GLDN: variants seen among roughly 807,000 people sequenced by gnomAD.
GLDN encodes the protein collomin.
A neutral mutation model predicts 56.5 loss-of-function variants in GLDN; 47 were observed. The ratio of observed to expected loss-of-function variants is 0.83; its 90% CI spans 0.66 to 1.06. The LOEUF (loss-of-function observed/expected upper bound fraction) is 1.06, where lower values mean the gene tolerates loss of function less well. GLDN is among the 50% of genes least tolerant of loss of function. The pLI, the probability that GLDN is intolerant of heterozygous loss-of-function variation, is 0.00. For missense variants in GLDN, 782 were observed against 714.3 expected, an observed-to-expected ratio of 1.09 and a Z score of -1.08; for synonymous variants, 332 against 278.8, an observed-to-expected ratio of 1.19 and a Z score of -1.90.
At chr15:51,355,811 CCA>C (rs2037170215) in intron 1 of GLDN, among the ~76,000 whole-genome samples, 1 of 150,530 alleles carries the variant, frequency 6.6e-6, no homozygotes, top group Non-Finnish European at 1.5e-5. Flanking sequence ...GCGTGAGCCA[CCA>C]CACCCGGCCC....
the GLDN span, among the ~76,000 whole-genome samples, chr15:51,413,020 A>G: frequency 6.6e-6 from 1 of 152,142 alleles, no homozygotes; most frequent in Non-Finnish European, 1.5e-5. Flanking sequence ...ATGGATATGC[A>G]TTTATTGATA....
At chr15:51,351,201 G>C (rs1392553854) in intron 1 of GLDN, 1 of 263,164 alleles carries the variant, frequency 3.8e-6, no homozygotes, top group African/African-American at 2.3e-5. Flanking sequence ...TTTAGAGACA[G>C]GGTCTCACTA....
At chr15:51,409,071 A>C (rs1443229877), downstream of GLDN, among the ~76,000 whole-genome samples, 6 of 39,830 alleles carry the variant, frequency 1.5e-4, no homozygotes, top group East Asian at 5.5e-3. Context: ...GGCTGCTATA[A>C]AGACCCTGTT....
intron 2 of GLDN, among the ~76,000 whole-genome samples, chr15:51,382,003 C>T (rs1252447309): frequency 2.0e-5 from 3 of 152,186 alleles, no homozygotes; most frequent in Non-Finnish European, 4.4e-5. Context: ...CTGCCACCCA[C>T]CATACCCAGG....
At chr15:51,393,712 T>C (rs563132934) in intron 4 of GLDN, among the ~76,000 whole-genome samples, 2 of 152,346 alleles carry the variant, frequency 1.3e-5, no homozygotes, top group South Asian at 4.2e-4. Context: ...TTTGAGATCC[T>C]TCTCCCTGTG....
intron 1 of GLDN, among the ~76,000 whole-genome samples, chr15:51,363,030 C>T (rs1391529487): frequency 6.6e-6 from 1 of 152,112 alleles, no homozygotes; most frequent in Non-Finnish European, 1.5e-5. Flanking sequence ...TTGCCATTAA[C>T]TGAGATGGCA....
chr15:51,355,334 A>G (rs1045850634), intron 1 of GLDN, among the ~76,000 whole-genome samples: 12 of 152,134 alleles, frequency 7.9e-5, no homozygotes, highest in Admixed American at 1.3e-4. Context: ...CTTTTAGCCT[A>G]TATAGAATAA....
chr15:51,369,095 A>G (rs1431563672), intron 1 of GLDN: 2 of 152,210 alleles, frequency 1.3e-5, no homozygotes, highest in African/African-American at 4.8e-5. Flanking sequence ...AAATGAGTCC[A>G]GGGTGTCTGA....
chr15:51,367,878 A>C (rs77882459), intron 1 of GLDN, among the ~76,000 whole-genome samples: 2,194 of 152,264 alleles, frequency 0.014, 48 homozygotes, highest in African/African-American at 0.05. Flanking sequence ...ACCAGGCCAC[A>C]TCAATGGTCT....
At chr15:51,342,879 C>G (rs1030920873) in intron 1 of GLDN, among the ~76,000 whole-genome samples, 3 of 152,104 alleles carry the variant, frequency 2.0e-5, no homozygotes, top group African/African-American at 7.2e-5. Flanking sequence ...CATGCCTCCC[C>G]CAAAAGGTTT....
At chr15:51,400,897 A>G (rs764091918) in intron 8 of GLDN, among the ~76,000 whole-genome samples, 23 of 152,162 alleles carry the variant, frequency 1.5e-4, no homozygotes, top group Non-Finnish European at 3.1e-4. Flanking sequence ...ACTTTTGGCC[A>G]TCTTTCCCAG....
At chr15:51,351,449 G>T (rs1233117840) in intron 1 of GLDN, among the ~76,000 whole-genome samples, 4 of 152,160 alleles carry the variant, frequency 2.6e-5, no homozygotes, top group African/African-American at 9.7e-5. Context: ...ACTCTAGGGA[G>T]ACAGCAGTAC....
chr15:51,390,266 CTAT>C (rs1196804973), intron 4 of GLDN, among the ~76,000 whole-genome samples: 18 of 152,206 alleles, frequency 1.2e-4, no homozygotes, highest in Admixed American at 9.8e-4. Flanking sequence ...CTGGTGTTAG[CTAT>C]TATTGTTGTT....
chr15:51,355,479 T>G (rs1157154065), intron 1 of GLDN, among the ~76,000 whole-genome samples: 1 of 152,022 alleles, frequency 6.6e-6, no homozygotes, highest in Non-Finnish European at 1.5e-5. Context: ...GCCATCTTGG[T>G]TTTGGCTGGC....
At position 51,397,456 on chromosome 15, in the gene GLDN, C is replaced by G. The variant is rs753657467; in HGVS notation, c.689-14C>G. Reference sequence around the variant, plus strand: ...CTTGCCTCCTTCTCTCCCTTTCTCTCTCTCTCTCTCCAGGTGCCAAAGGTG... The same window carrying G: ...CTTGCCTCCTTCTCTCCCTTTCTCTGTCTCTCTCTCCAGGTGCCAAAGGTG... On this transcript the variant is annotated splice_polypyrimidine_tract_variant and intron_variant, in intron 5 of 9. Coordinates refer to ENST00000335449, the MANE Select transcript of GLDN (RefSeq NM_181789.4). The G allele has an allele frequency of 7.1e-7, 1 of 1,409,124 alleles. No individual in the cohort carries two copies. Among genetic ancestry groups the G allele is most frequent in the South Asian group, 1.6e-5 (1 of 60,958 alleles). The allele number at this position is 1,409,124 out of a possible 1,614,324, so 87.3% of individuals were successfully genotyped here.
intron 6 of GLDN, among the ~76,000 whole-genome samples, chr15:51,398,966 T>G (rs1036567549): frequency 5.3e-5 from 8 of 152,224 alleles, no homozygotes; most frequent in Non-Finnish European, 7.3e-5. Flanking sequence ...AGGGGCTGGA[T>G]GCAGAGCAGG....
intron 1 of GLDN, among the ~76,000 whole-genome samples, chr15:51,364,358 A>G (rs186804844): frequency 3.9e-5 from 6 of 152,270 alleles, no homozygotes; most frequent in Admixed American, 6.5e-5. Context: ...ATTTGCCCTT[A>G]GTCCTATCCA....
intron 1 of GLDN, among the ~76,000 whole-genome samples, chr15:51,353,938 C>T (rs916869229): frequency 7.9e-5 from 12 of 152,108 alleles, no homozygotes; most frequent in African/African-American, 2.9e-4. Context: ...TGTAATTAAG[C>T]TACAAAGGGA....
chr15:51,365,604 C>T (rs989193072), intron 1 of GLDN, among the ~76,000 whole-genome samples: 26 of 152,146 alleles, frequency 1.7e-4, no homozygotes, highest in African/African-American at 6.3e-4. Flanking sequence ...TGTGCAAGGT[C>T]ACACAGCCAG....
Sources: allele counts gnomAD v4.1 joint callset (sites outside exome capture counted in the v4.1 genomes callset), GRCh38; gene constraint gnomAD v4.1.1; transcripts MANE v1.5; gene names NCBI Gene and HGNC (gene_info 2026-07-23, HGNC 2026-07-21).